The following FGF13 variants were observed in gnomAD, a reference collection of about 807,000 sequenced individuals.
The protein encoded by FGF13 is fibroblast growth factor 13.
Under a neutral mutation model 19.5 loss-of-function variants are expected in FGF13, and 2 were observed. That is an observed-to-expected ratio of 0.10 (90% confidence interval 0.04 to 0.32). The LOEUF (loss-of-function observed/expected upper bound fraction) is 0.32. Ranked by LOEUF, FGF13 falls within the 10% of genes least tolerant of loss-of-function variation. The probability of loss-of-function intolerance (pLI) is 1.00; values close to 1 mark genes in which losing one functional copy is unlikely to be tolerated. For synonymous variants in FGF13, 72 were observed against 76.9 expected, an observed-to-expected ratio of 0.94 and a Z score of 0.33; for missense variants, 113 against 192.7, an observed-to-expected ratio of 0.59 and a Z score of 2.45.
At chrX:138,642,110 A>C (rs1193869707) in intron 3 of FGF13, among the ~76,000 whole-genome samples, 1 of 108,597 alleles carries the variant, frequency 9.2e-6, no homozygotes, top group East Asian at 2.9e-4. Context: ...CAGAAAAAGT[A>C]GGCGATCAAA....
intron 3 of FGF13, among the ~76,000 whole-genome samples, chrX:138,769,454 T>C (rs946315302): frequency 2.7e-5 from 3 of 112,038 alleles, no homozygotes; most frequent in African/African-American, 6.5e-5. Context: ...GAGATAACAA[T>C]TGTAAACTGT....
At chrX:138,705,785 C>A (rs1334898462) in intron 2 of FGF13, among the ~76,000 whole-genome samples, 1 of 112,182 alleles carries the variant, frequency 8.9e-6, no homozygotes, top group Non-Finnish European at 1.9e-5. Flanking sequence ...TATCTGGTAC[C>A]TTTCCTCATG....
intron 1 of FGF13, among the ~76,000 whole-genome samples, chrX:138,974,965 A>C (rs1247482769): frequency 1.8e-5 from 2 of 112,310 alleles, no homozygotes; most frequent in Non-Finnish European, 3.8e-5. Flanking sequence ...TGAGGATTTC[A>C]ATTTCTTTTG....
chrX:138,826,127 T>G, intron 3 of FGF13, among the ~76,000 whole-genome samples: 1 of 112,068 alleles, frequency 8.9e-6, no homozygotes. Flanking sequence ...GCTTTCTGAT[T>G]CATAAAGATC....
chrX:138,780,815 C>A (rs746415159), intron 3 of FGF13, among the ~76,000 whole-genome samples: 1 of 110,841 alleles, frequency 9.0e-6, no homozygotes, highest in Non-Finnish European at 1.9e-5. Flanking sequence ...CCAAGCGGAC[C>A]GAATAGACAT....
chrX:139,011,361 CAAA>C (rs3047329), intron 1 of FGF13, among the ~76,000 whole-genome samples: 6,863 of 82,721 alleles, frequency 0.083, 389 homozygotes, highest in African/African-American at 0.2. Flanking sequence ...AACAAACAAA[CAAA>C]AAAAAAAAAA....
intron 2 of FGF13, among the ~76,000 whole-genome samples, chrX:138,703,796 C>T (rs1369131524): frequency 8.9e-6 from 1 of 112,355 alleles, no homozygotes; most frequent in African/African-American, 3.2e-5. Context: ...CTCACCACAA[C>T]CTCCACCTCC....
At chrX:138,912,753 A>G (rs2091594863) in intron 1 of FGF13, among the ~76,000 whole-genome samples, 2 of 111,775 alleles carry the variant, frequency 1.8e-5, no homozygotes, top group Non-Finnish European at 3.8e-5. Context: ...AAGATGTAGG[A>G]TTCGAACTCT....
intron 1 of FGF13, among the ~76,000 whole-genome samples, chrX:138,881,032 C>T (rs1233918021): frequency 1.8e-5 from 2 of 111,768 alleles, no homozygotes; most frequent in Non-Finnish European, 3.8e-5. Flanking sequence ...GACATCTTAA[C>T]ATTATTAAGT....
intron 1 of FGF13, among the ~76,000 whole-genome samples, chrX:138,891,748 A>C (rs2091478059): frequency 9.0e-6 from 1 of 110,742 alleles, no homozygotes; most frequent in African/African-American, 3.3e-5. Context: ...TTAATCTGGT[A>C]TGCACAATCT....
At chrX:138,816,451 C>T (rs771999522) in intron 3 of FGF13, among the ~76,000 whole-genome samples, 2 of 112,084 alleles carry the variant, frequency 1.8e-5, no homozygotes, top group South Asian at 3.7e-4. Context: ...ACCCAGCAAT[C>T]GCACTCATCA....
intron 1 of FGF13, among the ~76,000 whole-genome samples, chrX:138,938,750 A>T (rs1352004460): frequency 8.9e-6 from 1 of 112,154 alleles, no homozygotes; most frequent in Non-Finnish European, 1.9e-5. Flanking sequence ...GAATTTTTAA[A>T]TGAAACATCT....
intron 1 of FGF13, among the ~76,000 whole-genome samples, chrX:139,183,593 A>G (rs1194570307): frequency 8.9e-6 from 1 of 111,802 alleles, no homozygotes; most frequent in Non-Finnish European, 1.9e-5. Flanking sequence ...ACTCCCTCTC[A>G]TCATGTGATA....
chrX:138,960,169 C>T (rs2091862172), intron 1 of FGF13, among the ~76,000 whole-genome samples: 2 of 111,747 alleles, frequency 1.8e-5, no homozygotes, highest in Non-Finnish European at 3.8e-5. Flanking sequence ...CTGGTTGTTC[C>T]TTTCCATGTT....
intron 1 of FGF13, among the ~76,000 whole-genome samples, chrX:138,717,302 G>T (rs1448564510): frequency 8.9e-6 from 1 of 111,959 alleles, no homozygotes; most frequent in African/African-American, 3.2e-5. Flanking sequence ...AATATGTGGG[G>T]ATTTAAGTTT....
At chrX:138,772,410 AC>A (rs1402703944) in intron 3 of FGF13, among the ~76,000 whole-genome samples, 9 of 109,503 alleles carry the variant, frequency 8.2e-5, no homozygotes, top group Admixed American at 6.8e-4. Context: ...GGACACCCGT[AC>A]CTTGAACTTT....
chrX:138,683,399 ACT>A (rs756855993), intron 3 of FGF13, among the ~76,000 whole-genome samples: 218 of 104,476 alleles, frequency 2.1e-3, no homozygotes, highest in Non-Finnish European at 2.8e-3. Flanking sequence ...ACACAAACAC[ACT>A]CTCTCTCTCT....
At chrX:139,091,270 G>T (rs1047427292) in intron 1 of FGF13, among the ~76,000 whole-genome samples, 1 of 111,234 alleles carries the variant, frequency 9.0e-6, no homozygotes, top group Non-Finnish European at 1.9e-5. Context: ...CTGAAGTCCT[G>T]AGAAGGGGAG....
chrX:138,956,982 T>C (rs958594149), intron 1 of FGF13, among the ~76,000 whole-genome samples: 1 of 111,785 alleles, frequency 8.9e-6, no homozygotes, highest in Non-Finnish European at 1.9e-5. Context: ...CTAAAAGGGA[T>C]TTCAAAAGTC....
Sources: gnomAD v4.1 joint callset for allele counts (sites outside exome capture counted in the v4.1 genomes callset) on GRCh38, gnomAD v4.1.1 for gene constraint, MANE v1.5 for transcripts, NCBI Gene and HGNC (gene_info 2026-07-23, HGNC 2026-07-21) for gene names.